The following NKAIN3 variants were observed in gnomAD, a reference collection of about 807,000 sequenced individuals.
NKAIN3 encodes the protein sodium/potassium transporting ATPase interacting 3.
In NKAIN3, 25 loss-of-function variants were observed where a neutral mutation model predicts 30.2. The observed-to-expected ratio is 0.83, with a 90% CI of 0.60 to 1.16. The LOEUF is 1.16. NKAIN3 is among the 50% of genes most tolerant of loss of function. NKAIN3 has a pLI of 0.00. For missense variants in NKAIN3, 225 were observed against 254.1 expected (o/e 0.89, Z 0.78); for synonymous variants, 91 against 89.6 (o/e 1.02, Z -0.09).
intron 1 of NKAIN3, among the ~76,000 whole-genome samples, chr8:62,564,882 G>A (rs1292212528): frequency 6.6e-6 from 1 of 152,062 alleles, no homozygotes; most frequent in Non-Finnish European, 1.5e-5. Flanking sequence ...ATTTAGAATA[G>A]CAATAATGTT....
intron 1 of NKAIN3, among the ~76,000 whole-genome samples, chr8:62,386,924 AG>A (rs1817442162): frequency 1.3e-5 from 2 of 151,916 alleles, no homozygotes; most frequent in Non-Finnish European, 2.9e-5. Context: ...TGAGAGAGAG[AG>A]AGAGAGAGAG....
intron 4 of NKAIN3, among the ~76,000 whole-genome samples, chr8:62,787,932 T>A (rs1275138493): frequency 1.3e-5 from 2 of 152,180 alleles, no homozygotes. Flanking sequence ...TCTATCATTG[T>A]TGGACATCTG....
At chr8:62,526,146 G>A (rs2129810616) in intron 1 of NKAIN3, among the ~76,000 whole-genome samples, 1 of 152,182 alleles carries the variant, frequency 6.6e-6, no homozygotes, top group Non-Finnish European at 1.5e-5. Context: ...GAGAAGGGCT[G>A]AAGGAACAAG....
chr8:62,756,650 G>A (rs1415178196), intron 4 of NKAIN3, among the ~76,000 whole-genome samples: 2 of 152,008 alleles, frequency 1.3e-5, no homozygotes, highest in Non-Finnish European at 2.9e-5. Context: ...GCTCTTACAC[G>A]GATGCCTGGT....
chr8:62,606,238 C>T (rs1349567848), intron 3 of NKAIN3, among the ~76,000 whole-genome samples: 2 of 152,026 alleles, frequency 1.3e-5, no homozygotes, highest in Admixed American at 6.6e-5. Context: ...TAGGGTCATG[C>T]TCTAAACAAG....
chr8:62,822,982 A>C (rs1056368827), intron 4 of NKAIN3, among the ~76,000 whole-genome samples: 4 of 152,166 alleles, frequency 2.6e-5, no homozygotes, highest in African/African-American at 9.7e-5. Context: ...CTAAACATAG[A>C]ACAGGTACAG....
chr8:62,300,219 A>G (rs1175515404), intron 1 of NKAIN3, among the ~76,000 whole-genome samples: 1 of 152,088 alleles, frequency 6.6e-6, no homozygotes, highest in East Asian at 1.9e-4. Context: ...CGGGATAACA[A>G]TGAAAAAATA....
intron 3 of NKAIN3, among the ~76,000 whole-genome samples, chr8:62,617,792 TG>T (rs1811504659): frequency 6.6e-6 from 1 of 151,958 alleles, no homozygotes; most frequent in Non-Finnish European, 1.5e-5. Context: ...AAAAAGAAAA[TG>T]GGAAAACATA....
intron 1 of NKAIN3, among the ~76,000 whole-genome samples, chr8:62,425,479 CACA>C (rs2129597122): frequency 6.6e-6 from 1 of 151,938 alleles, no homozygotes; most frequent in East Asian, 1.9e-4. Context: ...ATATCTGTTG[CACA>C]ACACCACACT....
intron 2 of NKAIN3, 132 bp from the exon 3 acceptor site, chr8:62,589,582 C>G: frequency 2.0e-6 from 1 of 495,226 alleles, no homozygotes; most frequent in Non-Finnish European, 3.7e-6. Flanking sequence ...AGAGAGCACT[C>G]TTTTCTGAGC....
chr8:62,826,006 G>A (rs1410798298), intron 4 of NKAIN3, among the ~76,000 whole-genome samples: 1 of 152,104 alleles, frequency 6.6e-6, no homozygotes, highest in Non-Finnish European at 1.5e-5. Flanking sequence ...GTTCTAACAA[G>A]TGCCTCACTC....
chr8:62,973,023 A>G lies in NKAIN3; in HGVS notation c.*7616A>G, dbSNP rs937728730. Among the ~76,000 whole-genome samples the G allele has an allele frequency of 6.6e-6, 1 of 152,184 alleles. No individual in the cohort carries two copies. Among genetic ancestry groups the G allele is most frequent in the Admixed American group, 6.5e-5 (1 of 15,280 alleles). Reference sequence around the variant, plus strand: ...ATTAACTCATTTTTTATGGCTGCATAGTATTCCATGGTGTATATGTGCCAC... The same window carrying G: ...ATTAACTCATTTTTTATGGCTGCATGGTATTCCATGGTGTATATGTGCCAC... On this transcript the variant is annotated 3_prime_UTR_variant, in exon 7 of 7. Transcript: ENST00000623646.
Position 62,973,274 on chromosome 8 carries a change from T to G in NKAIN3, c.*7867T>G, listed in dbSNP as rs1159112502. Among the ~76,000 whole-genome samples, 1 of 152,214 alleles carries G rather than the reference T, an allele frequency of 6.6e-6. No individual in the cohort carries two copies. Among genetic ancestry groups the G allele is most frequent in the African/African-American group, 2.4e-5 (1 of 41,460 alleles). ...GTCATCCACAATGGTTGAAGTAAAT[T>G]ACACTCCCACCAACAGTGTTAAAAG... On this transcript the variant is annotated 3_prime_UTR_variant, in exon 7 of 7. Transcript: ENST00000623646.
At chr8:62,633,681 G>C (rs1812035405) in intron 3 of NKAIN3, among the ~76,000 whole-genome samples, 1 of 152,130 alleles carries the variant, frequency 6.6e-6, no homozygotes, top group Non-Finnish European at 1.5e-5. Flanking sequence ...GCTCATCTTT[G>C]AGCACAGATG....
In NKAIN3 at chr8:62,963,211, T is replaced by G. The variant is rs1035982870; in HGVS notation, c.604-2143T>G. 6.6e-5 allele frequency among the ~76,000 whole-genome samples: 10 copies of G among 152,268 alleles called. No homozygotes were observed. In the South Asian group the frequency reaches 1.9e-3, roughly 28 times the overall value. On this transcript the variant is annotated intron_variant, in intron 6 of 6. Transcript: ENST00000623646. Reference sequence around the variant, plus strand: ...CCCAACCCTGTTTGATTTTTTAAAATTCAATCTGTTAATAAAACCTAACAC... The same window carrying G: ...CCCAACCCTGTTTGATTTTTTAAAAGTCAATCTGTTAATAAAACCTAACAC...
intron 5 of NKAIN3, among the ~76,000 whole-genome samples, chr8:62,998,241 T>C (rs1170959739): frequency 6.6e-6 from 1 of 152,038 alleles, no homozygotes; most frequent in African/African-American, 2.4e-5. Flanking sequence ...AAGCTAAGTG[T>C]AGTCATTTTT....
At chr8:62,519,359 G>C (rs538123588) in intron 1 of NKAIN3, among the ~76,000 whole-genome samples, 8 of 152,212 alleles carry the variant, frequency 5.3e-5, no homozygotes, top group Admixed American at 1.3e-4. Context: ...CACTTTCCAT[G>C]ACTCTTAAAA....
chr8:62,290,104 C>A (rs922841045), intron 1 of NKAIN3, among the ~76,000 whole-genome samples: 3 of 152,154 alleles, frequency 2.0e-5, no homozygotes, highest in Non-Finnish European at 2.9e-5. Flanking sequence ...TATCCTGAGA[C>A]TTTGCTGAAG....
chr8:62,567,938 T>C (rs887830048), intron 1 of NKAIN3, among the ~76,000 whole-genome samples: 1 of 152,202 alleles, frequency 6.6e-6, no homozygotes, highest in African/African-American at 2.4e-5. Flanking sequence ...TTTCTACTTA[T>C]TGAATGCCAT....
Sources: gnomAD v4.1 joint callset for allele counts (sites outside exome capture counted in the v4.1 genomes callset) on GRCh38, gnomAD v4.1.1 for gene constraint, MANE v1.5 for transcripts, NCBI Gene and HGNC (gene_info 2026-07-23, HGNC 2026-07-21) for gene names.